MYT1L: variants seen among roughly 807,000 people sequenced by gnomAD.
The protein encoded by MYT1L is myelin transcription factor 1-like protein.
MYT1L carries 12 observed loss-of-function variants against 126.7 expected under a neutral mutation model. That is an observed-to-expected ratio of 0.09 (90% CI 0.06 to 0.15). The LOEUF is 0.15. Among genes scored for constraint, MYT1L ranks in the 10% least tolerant of loss-of-function variants. The pLI is 1.00. For synonymous variants in MYT1L, 541 were observed against 604.2 expected, an observed-to-expected ratio of 0.90 and a Z score of 1.53; for missense variants, 979 against 1,585.2, an observed-to-expected ratio of 0.62 and a Z score of 6.49.
intron 3 of MYT1L, among the ~76,000 whole-genome samples, chr2:2,074,115 CAATT>C (rs1174829070): frequency 6.6e-6 from 1 of 152,160 alleles, no homozygotes; most frequent in Non-Finnish European, 1.5e-5. Context: ...TAAAATAAAT[CAATT>C]GTTTAATAAT....
chr2:2,156,758 C>T (rs760134989), intron 3 of MYT1L, among the ~76,000 whole-genome samples: 1 of 152,176 alleles, frequency 6.6e-6, no homozygotes, highest in Non-Finnish European at 1.5e-5. Context: ...CCAGGGACAC[C>T]TGACATCACA....
intron 14 of MYT1L, among the ~76,000 whole-genome samples, chr2:1,900,551 G>C (rs534820995): frequency 4.6e-5 from 7 of 152,134 alleles, no homozygotes; most frequent in Non-Finnish European, 7.4e-5. Flanking sequence ...CGCCCACCTC[G>C]GCCTCCCAAA....
At chr2:1,834,373 A>G (rs868127193) in intron 21 of MYT1L, among the ~76,000 whole-genome samples, 1 of 152,256 alleles carries the variant, frequency 6.6e-6, no homozygotes, top group Non-Finnish European at 1.5e-5. Flanking sequence ...CTGTGCGCTT[A>G]GCTGTGTTCT....
intron 3 of MYT1L, among the ~76,000 whole-genome samples, chr2:2,149,930 T>G (rs1328612011): frequency 2.6e-5 from 4 of 152,188 alleles, no homozygotes; most frequent in Non-Finnish European, 5.9e-5. Flanking sequence ...GACCACAGCT[T>G]CCTACCTCCA....
chr2:2,128,976 T>A (rs913277069), intron 3 of MYT1L, among the ~76,000 whole-genome samples: 8 of 152,212 alleles, frequency 5.3e-5, no homozygotes, highest in Admixed American at 3.9e-4. Context: ...GAGAGACTCT[T>A]CCAAGGAATA....
At chr2:2,076,874 C>T (rs1448393452) in intron 3 of MYT1L, among the ~76,000 whole-genome samples, 4 of 152,062 alleles carry the variant, frequency 2.6e-5, no homozygotes, top group African/African-American at 4.8e-5. Context: ...AGATTTGGGA[C>T]TTGGTGAAGA....
At chr2:1,844,577 T>C (rs1354680867) in intron 19 of MYT1L, among the ~76,000 whole-genome samples, 1 of 152,162 alleles carries the variant, frequency 6.6e-6, no homozygotes, top group Non-Finnish European at 1.5e-5. Context: ...ATGCTATGTA[T>C]AGGCTGTGCA....
intron 3 of MYT1L, among the ~76,000 whole-genome samples, chr2:2,076,205 ACT>A (rs1354482412): frequency 1.3e-5 from 2 of 151,890 alleles, no homozygotes; most frequent in Non-Finnish European, 2.9e-5. Context: ...ACTTTGGAAA[ACT>A]CTCTCACACT....
rs1227352710 is a variant in MYT1L, at chr2:1,801,561, A to T, written c.3276+135T>A. On this transcript the variant is annotated intron_variant, in intron 23 of 24. Transcript: ENST00000647738. The surrounding 1 kb of genome is among the most constrained non-coding windows in gnomAD (Gnocchi z 4.2). Reference sequence around the variant, plus strand: ...GGTGTCTGCGGAAGACCAATATCATAAGGTGGAAAAATAAAGGAAATAAAA... The same window carrying T: ...GGTGTCTGCGGAAGACCAATATCATTAGGTGGAAAAATAAAGGAAATAAAA... 6.3e-6 allele frequency: 4 copies of T among 639,040 alleles called. No individual in the cohort carries two copies. The highest frequency in any genetic ancestry group is 8.3e-6 in the Non-Finnish European group (3 of 362,570). The allele number at this position is 639,040 out of a possible 1,614,324, so 39.6% of individuals were successfully genotyped here. A position where few individuals can be genotyped will look rare whatever the true frequency, so the allele number is the denominator to read the frequency against.
chr2:2,051,034 T>G (rs1224315275), intron 4 of MYT1L, among the ~76,000 whole-genome samples: 1 of 152,176 alleles, frequency 6.6e-6, no homozygotes, highest in Non-Finnish European at 1.5e-5. Context: ...GGTATGCAAC[T>G]TCTTAGAGAG....
chr2:2,299,691 CAT>C (rs1426904887), intron 1 of MYT1L, among the ~76,000 whole-genome samples: 1 of 152,222 alleles, frequency 6.6e-6, no homozygotes, highest in Non-Finnish European at 1.5e-5. Context: ...CTGTTAATCA[CAT>C]GTTTTTCTTC....
chr2:2,319,815 T>A (rs985109705), intron 1 of MYT1L, among the ~76,000 whole-genome samples: 2 of 151,996 alleles, frequency 1.3e-5, no homozygotes, highest in African/African-American at 4.8e-5. Context: ...ATTACCTGAC[T>A]TTTTGTGGGG....
At position 2,224,868 on chromosome 2, in the gene MYT1L, G is replaced by T. The variant is rs921039058; in HGVS notation, c.-420-51880C>A. 2.0e-5 allele frequency among the ~76,000 whole-genome samples: 3 copies of T among 151,970 alleles called. No homozygotes were observed. The highest frequency in any genetic ancestry group is 7.2e-5 in the African/African-American group (3 of 41,406). Reference sequence around the variant, plus strand: ...TAAATGTTTCAAATCCTTGAGAAAGGTCTTAACCAGGGCTAGCCTTATGCT... The same window carrying T: ...TAAATGTTTCAAATCCTTGAGAAAGTTCTTAACCAGGGCTAGCCTTATGCT... On this transcript the variant is annotated intron_variant, in intron 2 of 24. Coordinates refer to ENST00000647738, the MANE Select transcript of MYT1L (RefSeq NM_001303052.2). This position sits in a 1 kb window ranked among gnomAD's most constrained non-coding sequence, Gnocchi z 4.0.
intron 3 of MYT1L, among the ~76,000 whole-genome samples, chr2:2,100,430 G>A (rs2077922929): frequency 6.6e-6 from 1 of 151,950 alleles, no homozygotes; most frequent in African/African-American, 2.4e-5. Context: ...CTTTTTTCCA[G>A]ATTTGTGTCT....
At chr2:2,003,614 C>T (rs1484913642) in intron 4 of MYT1L, among the ~76,000 whole-genome samples, 2 of 152,162 alleles carry the variant, frequency 1.3e-5, no homozygotes, top group East Asian at 3.9e-4. Context: ...TGCCCCTTCT[C>T]TATGTCTTTG....
chr2:2,169,732 G>A (rs2089727603), intron 3 of MYT1L, among the ~76,000 whole-genome samples: 1 of 152,114 alleles, frequency 6.6e-6, no homozygotes, highest in Non-Finnish European at 1.5e-5. Flanking sequence ...GTGTGGCCTG[G>A]TCCTGTCAAG....
chr2:2,043,655 G>A (rs1037564182), intron 4 of MYT1L, among the ~76,000 whole-genome samples: 2 of 152,088 alleles, frequency 1.3e-5, no homozygotes, highest in African/African-American at 4.8e-5. Flanking sequence ...ATGGGTGACT[G>A]GCTCCCTTCA....
intron 5 of MYT1L, among the ~76,000 whole-genome samples, chr2:1,986,580 T>G (rs561430746): frequency 6.6e-6 from 1 of 152,264 alleles, no homozygotes; most frequent in African/African-American, 2.4e-5. Context: ...ATAAAATAAT[T>G]TACATTTGAT....
intron 2 of MYT1L, among the ~76,000 whole-genome samples, chr2:2,260,260 G>A (rs2094928602): frequency 6.6e-6 from 1 of 152,198 alleles, no homozygotes; most frequent in African/African-American, 2.4e-5. Context: ...TGTGAAATGG[G>A]CATTGGAGTA....
Sources: allele counts gnomAD v4.1 joint callset (sites outside exome capture counted in the v4.1 genomes callset), GRCh38; gene constraint gnomAD v4.1.1; non-coding constraint Gnocchi (gnomAD v3.1); transcripts MANE v1.5; gene names NCBI Gene and HGNC (gene_info 2026-07-23, HGNC 2026-07-21).